The following GRM7 variants were observed in gnomAD, a reference collection of about 807,000 sequenced individuals.
GRM7 encodes the protein glutamate metabotropic receptor 7.
GRM7 carries 35 observed loss-of-function variants against 84.5 expected under a neutral mutation model. The observed-to-expected ratio is 0.41, with a 90% CI of 0.32 to 0.55. The LOEUF (loss-of-function observed/expected upper bound fraction) is 0.55, where lower values mean the gene tolerates loss of function less well. Ranked by LOEUF, GRM7 falls within the 20% of genes least tolerant of loss-of-function variation. GRM7 has a pLI of 0.19. For synonymous variants in GRM7, 487 were observed against 455.1 expected, an observed-to-expected ratio of 1.07 and a Z score of -0.89; for missense variants, 1,003 against 1,194.6, an observed-to-expected ratio of 0.84 and a Z score of 2.36.
chr3:7,629,882 C>T (rs1162106289), intron 8 of GRM7, among the ~76,000 whole-genome samples: 1 of 152,214 alleles, frequency 6.6e-6, no homozygotes, highest in East Asian at 1.9e-4. Flanking sequence ...TTAGCACCTT[C>T]GATTTATTCC....
chr3:7,336,030 C>G (rs190938832), intron 4 of GRM7, among the ~76,000 whole-genome samples: 128 of 151,986 alleles, frequency 8.4e-4, no homozygotes, highest in Middle Eastern at 6.8e-3. Context: ...AGAGGGAATT[C>G]TCCCTAAATC....
chr3:7,645,549 A>C (rs1698591233), intron 8 of GRM7, among the ~76,000 whole-genome samples: 4 of 29,718 alleles, frequency 1.3e-4, no homozygotes, highest in Non-Finnish European at 3.4e-4. Flanking sequence ...TCCATCTTAA[A>C]AAAAAAAAAA....
chr3:7,446,058 A>T (rs891543877), intron 5 of GRM7, among the ~76,000 whole-genome samples: 1 of 152,196 alleles, frequency 6.6e-6, no homozygotes, highest in Admixed American at 6.5e-5. Flanking sequence ...ATCACTTACA[A>T]TAGATCCAAA....
At chr3:7,530,328 T>G (rs1575458723) in intron 7 of GRM7, among the ~76,000 whole-genome samples, 1 of 152,282 alleles carries the variant, frequency 6.6e-6, no homozygotes. Context: ...CGCATTTTCT[T>G]TATCCAGTCT....
At chr3:7,365,645 G>GTATATATATATATATATATA (rs201115893) in intron 4 of GRM7, among the ~76,000 whole-genome samples, 11 of 123,850 alleles carry the variant, frequency 8.9e-5, no homozygotes, top group African/African-American at 3.3e-4. Context: ...GTGTGCGTGT[G>GTATATATATATATATATATA]TGTATATATA....
At chr3:6,895,570 C>G (rs1023611126) in intron 1 of GRM7, among the ~76,000 whole-genome samples, 4 of 152,124 alleles carry the variant, frequency 2.6e-5, no homozygotes, top group Non-Finnish European at 4.4e-5. Context: ...GATCACACAG[C>G]TAGTAAGAGA....
rs1312753387 is a variant in GRM7 at position 7,572,824 on chromosome 3, ATATATATATATATATATATATATAT to A, written c.1516-5597_1516-5573del. ...GCGACAGAGTGAGACTCTATCTCAA[ATATATATATATATATATATATATAT>A]ATATATATATATATATATATATATA... is the stretch of plus-strand genomic sequence containing the variant. On this transcript the variant is annotated intron_variant, in intron 7 of 9. Transcript: ENST00000357716. Among the ~76,000 whole-genome samples, 16 of 59,728 alleles carry A rather than the reference ATATATATATATATATATATATATAT, an allele frequency of 2.7e-4. 1 individual carries two copies. Among genetic ancestry groups the A allele is most frequent in the East Asian group, 4.5e-4 (1 of 2,202 alleles). 39.2% of individuals were successfully genotyped at this position (59,728 alleles called of 152,430 possible).
intron 1 of GRM7, among the ~76,000 whole-genome samples, chr3:7,040,035 T>G (rs1696537258): frequency 6.6e-6 from 1 of 152,216 alleles, no homozygotes; most frequent in South Asian, 2.1e-4. Context: ...TTCTCATTAG[T>G]TAGGTTATAC....
chr3:7,259,198 G>T (rs1200795537), intron 2 of GRM7, among the ~76,000 whole-genome samples: 3 of 152,210 alleles, frequency 2.0e-5, no homozygotes, highest in Non-Finnish European at 2.9e-5. Context: ...CACATTGGCT[G>T]ATTGATAAAT....
intron 4 of GRM7, among the ~76,000 whole-genome samples, chr3:7,314,185 C>A (rs1468973407): frequency 2.6e-5 from 4 of 152,050 alleles, no homozygotes; most frequent in Non-Finnish European, 5.9e-5. Context: ...TTTCATGTGA[C>A]CCTTGCCCAA....
chr3:7,146,544 C>G lies in GRM7; in HGVS notation c.612C>G (p.Phe204Leu). The stretch of plus-strand genomic sequence containing the variant: ...CTCGCGTGGTGCCACCCGATTCCTT[C>G]CAAGCCCAGGCCATGGTAGACATTG... ...FFSRVVPPDS[F>L]QAQAMVDIVK... Residue 204 changes from phenylalanine to leucine, a missense_variant, in exon 2 of 10, where the codon TTC becomes TTG. This residue lies in a region of GRM7 where 910 missense variants were observed against 1,126.0 expected (regional missense o/e 0.81). Transcript: ENST00000357716. The G allele has an allele frequency of 6.2e-7, 1 of 1,614,008 alleles. No homozygotes were observed. Among genetic ancestry groups the G allele is most frequent in the Non-Finnish European group, 8.5e-7 (1 of 1,179,938 alleles).
chr3:7,305,193 T>TGGGGGA (rs1700145008), intron 3 of GRM7, among the ~76,000 whole-genome samples: 1 of 152,094 alleles, frequency 6.6e-6, no homozygotes, highest in Non-Finnish European at 1.5e-5. Flanking sequence ...CTTTTAGTCA[T>TGGGGGA]TCCCTCCCAT....
intron 2 of GRM7, among the ~76,000 whole-genome samples, chr3:7,265,954 C>T (rs917036612): frequency 6.6e-6 from 1 of 152,132 alleles, no homozygotes; most frequent in Non-Finnish European, 1.5e-5. Flanking sequence ...TCTGATGCTT[C>T]TTTGAGAGCT....
Position 7,714,820 on chromosome 3 carries a change from G to C in GRM7, c.2699-25537G>C, listed in dbSNP as rs375246559. On this transcript the variant is annotated intron_variant, in intron 9 of 9. Coordinates refer to ENST00000357716, the MANE Select transcript of GRM7 (RefSeq NM_000844.4). ...CCAAAGGACACCATCAAAAACCAGA[G>C]GTCTATTGGTGCAACAGTGTTGAAC... Among the ~76,000 whole-genome samples the C allele has an allele frequency of 5.9e-5, 9 of 152,278 alleles. No individual in the cohort carries two copies. In the East Asian group the frequency reaches 1.5e-3, roughly 26 times the overall value.
intron 2 of GRM7, among the ~76,000 whole-genome samples, chr3:7,277,714 A>C (rs577348004): frequency 1.5e-4 from 23 of 151,880 alleles, no homozygotes; most frequent in Non-Finnish European, 2.5e-4. Flanking sequence ...TTTTTTTTGC[A>C]TTGTCTGTAT....
intron 1 of GRM7, among the ~76,000 whole-genome samples, chr3:6,940,652 G>A (rs1036274240): frequency 5.3e-5 from 8 of 150,556 alleles, no homozygotes; most frequent in Non-Finnish European, 1.5e-5. Context: ...CTGATAATGT[G>A]TATCAAATTA....
chr3:7,719,382 A>G (rs1473364570), intron 9 of GRM7, among the ~76,000 whole-genome samples: 1 of 152,312 alleles, frequency 6.6e-6, no homozygotes, highest in South Asian at 2.1e-4. Context: ...GTCTTCTTAC[A>G]TACTATCACA....
chr3:7,076,398 G>C (rs1292376540), intron 1 of GRM7, among the ~76,000 whole-genome samples: 3 of 152,070 alleles, frequency 2.0e-5, no homozygotes, highest in South Asian at 2.1e-4. Flanking sequence ...CCCCCATGCT[G>C]TTCTTGTGAA....
At position 7,121,323 on chromosome 3, in the gene GRM7, A is replaced by T. The variant is rs183255008; in HGVS notation, c.520-25129A>T. On this transcript the variant is annotated intron_variant, in intron 1 of 9. Transcript: ENST00000357716. ...GAGATGTTTTTTGAGCCATCCTCCC[A>T]TCCATCTATTCATCCATCCATCCAT... 6.5e-5 allele frequency among the ~76,000 whole-genome samples: 9 copies of T among 138,674 alleles called. No homozygotes were observed. The East Asian group carries it at 1.2e-3, about 19-fold the overall frequency. 91.0% of individuals were successfully genotyped at this position (138,674 alleles called of 152,430 possible).
Sources: allele counts gnomAD v4.1 joint callset (sites outside exome capture counted in the v4.1 genomes callset), GRCh38; gene constraint gnomAD v4.1.1; regional missense constraint gnomAD v4.1.1; transcripts MANE v1.5; gene names NCBI Gene and HGNC (gene_info 2026-07-23, HGNC 2026-07-21).